SAE1: variants seen among roughly 807,000 people sequenced by gnomAD.
SAE1 encodes the protein SUMO1 activating enzyme subunit 1, also known as SUMO-activating enzyme subunit 1.
A neutral mutation model predicts 40.6 loss-of-function variants in SAE1; 11 were observed. The ratio of observed to expected loss-of-function variants is 0.27; its 90% CI spans 0.17 to 0.45. The LOEUF (loss-of-function observed/expected upper bound fraction) is 0.45. SAE1 is among the 20% of genes least tolerant of loss of function. The pLI, the probability that SAE1 is intolerant of heterozygous loss-of-function variation, is 1.00. For synonymous variants in SAE1, 155 were observed against 154.3 expected (o/e 1.00, Z -0.03); for missense variants, 373 against 427.3 (o/e 0.87, Z 1.12).
chr19:47,196,375 C>CTTTTTTTTTTTT (rs2058616163), intron 6 of SAE1, among the ~76,000 whole-genome samples: 1 of 28,262 alleles, frequency 3.5e-5, no homozygotes. Flanking sequence ...TTTAATTTTA[C>CTTTTTTTTTTTT]TTTTTTGAGA....
At chr19:47,174,816 G>C (rs898368343) in intron 6 of SAE1, among the ~76,000 whole-genome samples, 1 of 150,722 alleles carries the variant, frequency 6.6e-6, no homozygotes, top group African/African-American at 2.4e-5. Context: ...CTCGTGATCC[G>C]CCTGCCTCAG....
At chr19:47,159,929 A>G (rs1243369564) in intron 5 of SAE1, among the ~76,000 whole-genome samples, 1 of 152,150 alleles carries the variant, frequency 6.6e-6, no homozygotes. Context: ...CCTGGCCTCA[A>G]GTGATCCGCC....
intron 5 of SAE1, among the ~76,000 whole-genome samples, chr19:47,163,899 A>G (rs900357883): frequency 6.6e-6 from 1 of 151,496 alleles, no homozygotes; most frequent in Non-Finnish European, 1.5e-5. Context: ...CCTCCCGAGT[A>G]GCTGGGATTA....
chr19:47,164,545 G>A (rs2058378537), intron 5 of SAE1, among the ~76,000 whole-genome samples: 2 of 148,890 alleles, frequency 1.3e-5, no homozygotes, highest in African/African-American at 2.5e-5. Context: ...GTCACCTATT[G>A]TATTGAGGTT....
intron 6 of SAE1, among the ~76,000 whole-genome samples, chr19:47,195,095 C>T (rs531800589): frequency 6.7e-6 from 1 of 149,908 alleles, no homozygotes; most frequent in East Asian, 2.0e-4. Context: ...CACTCTGTTG[C>T]CCAGGCTGGA....
intron 5 of SAE1, among the ~76,000 whole-genome samples, chr19:47,158,276 C>T (rs755844129): frequency 2.0e-5 from 3 of 152,182 alleles, no homozygotes; most frequent in Non-Finnish European, 2.9e-5. Context: ...GGTTTTCACA[C>T]CCTCTAGGAA....
At chr19:47,140,025 C>T (rs2058209827) in intron 1 of SAE1, among the ~76,000 whole-genome samples, 1 of 150,512 alleles carries the variant, frequency 6.6e-6, no homozygotes. Flanking sequence ...GCAACCTCCG[C>T]CTCCCGGGTT....
intron 5 of SAE1, among the ~76,000 whole-genome samples, chr19:47,162,748 T>C (rs2058366797): frequency 6.6e-6 from 1 of 152,158 alleles, no homozygotes; most frequent in Non-Finnish European, 1.5e-5. Flanking sequence ...CCCAGCACTT[T>C]GGGAAGCCAA....
At chr19:47,208,116 G>A (rs1051608154) in intron 8 of SAE1, among the ~76,000 whole-genome samples, 1 of 152,190 alleles carries the variant, frequency 6.6e-6, no homozygotes. Context: ...TTGATTAAAT[G>A]TGTCCCCTTA....
intron 6 of SAE1, among the ~76,000 whole-genome samples, chr19:47,172,433 G>A (rs1208759301): frequency 1.3e-5 from 2 of 152,070 alleles, no homozygotes; most frequent in South Asian, 2.1e-4. Context: ...TCACTGCCTC[G>A]CACATAGAAA....
chr19:47,156,331 A>C (rs1360072328), intron 5 of SAE1, among the ~76,000 whole-genome samples: 1 of 151,658 alleles, frequency 6.6e-6, no homozygotes, highest in South Asian at 2.1e-4. Flanking sequence ...TACAAAAATT[A>C]GCTGGGCAAG....
chr19:47,144,745 A>G (rs778780328), intron 2 of SAE1, among the ~76,000 whole-genome samples: 6 of 152,186 alleles, frequency 3.9e-5, no homozygotes, highest in Non-Finnish European at 5.9e-5. Flanking sequence ...ACACTGGATC[A>G]GAGAGAATGT....
At chr19:47,133,109 A>G (rs2058157027) in intron 1 of SAE1, among the ~76,000 whole-genome samples, 2 of 152,322 alleles carry the variant, frequency 1.3e-5, no homozygotes, top group South Asian at 4.1e-4. Flanking sequence ...CATGATTGTC[A>G]AATTAGAGAA....
intron 1 of SAE1, among the ~76,000 whole-genome samples, chr19:47,137,170 C>T (rs2058185653): frequency 6.6e-6 from 1 of 151,998 alleles, no homozygotes; most frequent in African/African-American, 2.4e-5. Flanking sequence ...GGGTGGATCA[C>T]CTGAGGTCAG....
chr19:47,188,865 A>G (rs913070517), intron 6 of SAE1, among the ~76,000 whole-genome samples: 8 of 152,198 alleles, frequency 5.3e-5, no homozygotes, highest in Non-Finnish European at 1.0e-4. Context: ...TTCAGAGACT[A>G]TGAGGACTGA....
chr19:47,196,259 A>G (rs1380521123), intron 6 of SAE1, among the ~76,000 whole-genome samples: 1 of 138,210 alleles, frequency 7.2e-6, no homozygotes, highest in African/African-American at 2.8e-5. Flanking sequence ...CTGGTCTCAA[A>G]CTCCTGACCT....
chr19:47,134,645 A>T (rs1293803549), intron 1 of SAE1, among the ~76,000 whole-genome samples: 1 of 152,040 alleles, frequency 6.6e-6, no homozygotes, highest in Non-Finnish European at 1.5e-5. Context: ...AAGGTACTGG[A>T]AGGGTTAATC....
chr19:47,193,763 G>T (rs2058594489), intron 6 of SAE1, among the ~76,000 whole-genome samples: 2 of 150,942 alleles, frequency 1.3e-5, no homozygotes, highest in African/African-American at 4.9e-5. Context: ...GGGAGGTGGA[G>T]GTTGCATTGA....
At chr19:47,207,692 G>A (rs1002047618) in intron 8 of SAE1, among the ~76,000 whole-genome samples, 2 of 151,944 alleles carry the variant, frequency 1.3e-5, no homozygotes, top group Non-Finnish European at 2.9e-5. Context: ...GGAGTACAGT[G>A]GTGCCATCAC....
Sources: allele counts gnomAD v4.1 joint callset (sites outside exome capture counted in the v4.1 genomes callset), GRCh38; gene constraint gnomAD v4.1.1; transcripts MANE v1.5; gene names NCBI Gene and HGNC (gene_info 2026-07-23, HGNC 2026-07-21).